DENND6B: variants seen among roughly 807,000 people sequenced by gnomAD.
DENND6B encodes DENN domain containing 6B.
Under a neutral mutation model 85.1 loss-of-function variants are expected in DENND6B, and 73 were observed. That is an observed-to-expected ratio of 0.86 (90% CI 0.71 to 1.04). The LOEUF (loss-of-function observed/expected upper bound fraction) is 1.04, where lower values mean the gene tolerates loss of function less well. Ranked by LOEUF, DENND6B falls within the 50% of genes least tolerant of loss-of-function variation. DENND6B has a pLI of 0.00. For missense variants in DENND6B, 715 were observed against 785.8 expected, an observed-to-expected ratio of 0.91 and a Z score of 1.08; for synonymous variants, 357 against 329.3, an observed-to-expected ratio of 1.08 and a Z score of -0.91.
rs185110140 is a variant in DENND6B, at chr22:50,318,813, C to T, written c.259+34G>A. On this transcript the variant is annotated intron_variant, in intron 3 of 19. Transcript: ENST00000413817. ...GGCTACAGGGATGCCCAGCTGGCTT[C>T]ATGTCCAGCCCCAGGAAAGGTGGGG... The T allele has an allele frequency of 8.2e-4, 1,327 of 1,611,372 alleles. 8 individuals carry two copies. Among genetic ancestry groups the T allele is most frequent in the Middle Eastern group, 7.1e-3 (43 of 6,050 alleles).
chr22:50,314,211 C>CT lies in DENND6B; in HGVS notation c.1133dup (p.Pro379AlafsTer83), dbSNP rs1232583014. On this transcript the variant is annotated frameshift_variant, in exon 13 of 20. Coordinates refer to ENST00000413817, the MANE Select transcript of DENND6B (RefSeq NM_001001794.4). LOFTEE classifies it high-confidence loss of function. ...CAGGTCGAGGGGAGCACAGACCTGG[C>CT]TTGGTGTCCAGGGTCTTCAACCTTG... 6.2e-7 allele frequency: 1 copy of CT among 1,604,708 alleles called. No individual in the cohort carries two copies. The highest frequency in any genetic ancestry group is 8.5e-7 in the Non-Finnish European group (1 of 1,178,364).
intron 1 of DENND6B, among the ~76,000 whole-genome samples, chr22:50,321,488 G>C (rs1267917838): frequency 6.6e-6 from 1 of 152,116 alleles, no homozygotes; most frequent in Non-Finnish European, 1.5e-5. Flanking sequence ...AGCCTCCTGA[G>C]TAGCTGGGAC....
chr22:50,323,075 G>C (rs1024818151), intron 1 of DENND6B, among the ~76,000 whole-genome samples: 20 of 110,596 alleles, frequency 1.8e-4, no homozygotes, highest in Non-Finnish European at 3.4e-4. Context: ...CACTGTGTTA[G>C]CCAGAATGGT....
chr22:50,325,319 G>A (rs1316366605), intron 1 of DENND6B, among the ~76,000 whole-genome samples: 1 of 150,586 alleles, frequency 6.6e-6, no homozygotes, highest in East Asian at 1.9e-4. Context: ...ATGTCTTAAG[G>A]AACAGAGGAA....
chr22:50,314,432 T>C lies in DENND6B; in HGVS notation c.1040A>G (p.His347Arg). 6.4e-7 allele frequency: 1 copy of C among 1,565,810 alleles called. No homozygotes were observed. Among genetic ancestry groups the C allele is most frequent in the Non-Finnish European group, 8.7e-7 (1 of 1,154,496 alleles). Residue 347 changes from histidine (H) to arginine (R), a missense_variant, in exon 12 of 20, where the codon CAC becomes CGC. By Grantham distance (29) the His-to-Arg change is conservative (BLOSUM62 0). Transcript: ENST00000413817. The stretch of plus-strand genomic sequence containing the variant: ...CTTGGGCTCCCCGACTCGGAGGATG[T>C]GGGGCCAGTGCTGGAGTGTTTTGAT... ...FFIKTLQHWP[H>R]ILRVGEPKMS...
At chr22:50,314,144 C>T in intron 13 of DENND6B, 63 bp downstream of exon 13, 2 of 1,525,398 alleles carry the variant, frequency 1.3e-6, no homozygotes, top group Admixed American at 2.0e-5. Flanking sequence ...ACCCGAGAGA[C>T]CCGCCAGGTA....
At chr22:50,314,551 G>A in intron 11 of DENND6B, 54 bp downstream of exon 11, 2 of 1,554,210 alleles carry the variant, frequency 1.3e-6, no homozygotes, top group South Asian at 2.4e-5. Context: ...GGTGCAGGAA[G>A]GGCGAGAGGC....
At position 50,316,482 on chromosome 22, in the gene DENND6B, G is replaced by T; in HGVS notation, c.454-7C>A. The T allele has an allele frequency of 6.4e-7, 1 of 1,565,090 alleles. No homozygotes were observed. The highest frequency in any genetic ancestry group is 8.6e-7 in the Non-Finnish European group (1 of 1,156,422). On this transcript the variant is annotated splice_polypyrimidine_tract_variant and splice_region_variant and intron_variant, in intron 5 of 19. Coordinates refer to ENST00000413817, the MANE Select transcript of DENND6B (RefSeq NM_001001794.4). ...GGGACACCAGCACCAAAGACTGCAG[G>T]GCCACGGGGCCAGTTAGAGGCCCAG...
chr22:50,313,560 CAGCCCCGT>C, intron 15 of DENND6B, 61 bp from the exon 16 acceptor site: 4 of 1,405,922 alleles, frequency 2.8e-6, no homozygotes, highest in Non-Finnish European at 2.8e-6. Flanking sequence ...CCATCCCCCG[CAGCCCCGT>C]CCCCCCCAAC....
At chr22:50,318,750 A>G (rs766997550) in intron 3 of DENND6B, 97 bp downstream of exon 3, 12 of 1,541,350 alleles carry the variant, frequency 7.8e-6, no homozygotes, top group Non-Finnish European at 1.1e-5. Context: ...CACTCTGGGC[A>G]CCGGGGCAGC....
chr22:50,311,942 C>G lies in DENND6B; in HGVS notation c.*197G>C. On this transcript the variant is annotated 3_prime_UTR_variant, in exon 20 of 20. Transcript: ENST00000413817. Reference sequence around the variant, plus strand: ...GAGGCAAGGCTCTGCCTGCGAGGAACCCCTATGGTCAAGGCCATGCTGTGG... The same window carrying G: ...GAGGCAAGGCTCTGCCTGCGAGGAAGCCCTATGGTCAAGGCCATGCTGTGG... The G allele has an allele frequency of 1.1e-6, 1 of 926,266 alleles. No individual in the cohort carries two copies. Among genetic ancestry groups the G allele is most frequent in the Non-Finnish European group, 1.6e-6 (1 of 637,564 alleles). The allele number at this position is 926,266 out of a possible 1,614,324, so 57.4% of individuals were successfully genotyped here. A position where few individuals can be genotyped will look rare whatever the true frequency, so the allele number is the denominator to read the frequency against.
chr22:50,315,769 T>G lies in DENND6B; in HGVS notation c.703A>C (p.Asn235His). Residue 235 changes from asparagine to histidine, a missense_variant and splice_region_variant, in exon 9 of 20, where the codon AAC becomes CAC. Transcript: ENST00000413817. ...AGAACCACTGGGGCTGGCAGCAGGT[T>G]CTGAGAGGAGGAGAGTGAAGGTCAG... is the stretch of plus-strand genomic sequence containing the variant. Reference protein sequence around the residue: ...SSPPKQFDQENLLPAPVVLAS... With the variant: ...SSPPKQFDQEHLLPAPVVLAS... 6.5e-7 allele frequency: 1 copy of G among 1,534,438 alleles called. No individual in the cohort carries two copies.
intron 10 of DENND6B, 30 bp from the exon 11 acceptor site, chr22:50,314,730 A>G (rs2041734607): frequency 6.4e-7 from 1 of 1,569,956 alleles, no homozygotes; most frequent in Admixed American, 1.9e-5. Flanking sequence ...GGAGCAGGTG[A>G]GGCAGGGGCA....
In DENND6B at chr22:50,316,855, C is replaced by T. The variant is rs1379973633; in HGVS notation, c.454-380G>A. On this transcript the variant is annotated intron_variant, in intron 5 of 19. Transcript: ENST00000413817. ...TGACCCTCCAGCCATCAGTGAGGGG[C>T]AGCAGTGTCCTGGACCAGGACAGAA... The T allele has an allele frequency of 1.2e-5, 10 of 815,602 alleles. No homozygotes were observed. In the East Asian group the frequency reaches 6.3e-4, roughly 52 times the overall value. The allele number at this position is 815,602 out of a possible 1,614,324, so 50.5% of individuals were successfully genotyped here.
At chr22:50,326,246 G>A (rs534160959) in intron 1 of DENND6B, among the ~76,000 whole-genome samples, 1 of 152,380 alleles carries the variant, frequency 6.6e-6, no homozygotes, top group Non-Finnish European at 1.5e-5. Flanking sequence ...CAAGACGCAG[G>A]TGGAGGGACG....
chr22:50,317,086 A>AGG, intron 5 of DENND6B: 3 of 248,712 alleles, frequency 1.2e-5, no homozygotes, highest in South Asian at 7.2e-5. Flanking sequence ...CGGCGAGGAC[A>AGG]GGGTGGGGGG....
chr22:50,313,536 C>T, intron 15 of DENND6B, 37 bp from the exon 16 acceptor site: 1 of 1,534,194 alleles, frequency 6.5e-7, no homozygotes, highest in Non-Finnish European at 8.8e-7. Context: ...CCCGGGGACC[C>T]ATGCCCCCCA....
intron 16 of DENND6B, 74 bp downstream of exon 16, chr22:50,313,372 A>G: frequency 1.3e-6 from 2 of 1,511,128 alleles, no homozygotes; most frequent in Non-Finnish European, 1.8e-6. Context: ...CTCCTGCTCC[A>G]GACCTTCCCT....
rs2041748464 is a variant in DENND6B, at chr22:50,314,870, G to A, written c.810C>T (p.Leu270=). 6.2e-6 allele frequency: 10 copies of A among 1,612,096 alleles called. No homozygotes were observed. The highest frequency in any genetic ancestry group is 5.5e-5 in the South Asian group (5 of 90,998). The change falls in exon 10 of 20, where the codon CTC becomes CTT. Residue 270 remains leucine, a synonymous_variant. Coordinates refer to ENST00000413817, the MANE Select transcript of DENND6B (RefSeq NM_001001794.4). ...THMQTLWELM[L]LGEPLLVLAP... Reference sequence around the variant, plus strand: ...CCAGGACTAGCAGGGGCTCCCCGAGGAGCATGAGCTCCCACAGTGTCTGCA... The same window carrying A: ...CCAGGACTAGCAGGGGCTCCCCGAGAAGCATGAGCTCCCACAGTGTCTGCA...
Sources: allele counts gnomAD v4.1 joint callset (sites outside exome capture counted in the v4.1 genomes callset), GRCh38; gene constraint gnomAD v4.1.1; transcripts MANE v1.5; gene names NCBI Gene and HGNC (gene_info 2026-07-23, HGNC 2026-07-21).